The following POLR3B variants were observed in gnomAD, a reference collection of about 807,000 sequenced individuals.
POLR3B encodes RNA polymerase III subunit B.
Under a neutral mutation model 147.4 loss-of-function variants are expected in POLR3B, and 96 were observed. The observed-to-expected ratio is 0.65, with a 90% CI of 0.55 to 0.77. The LOEUF is 0.77. POLR3B is among the 30% of genes least tolerant of loss of function. POLR3B has a pLI of 0.00. For synonymous variants in POLR3B, 461 were observed against 485.9 expected (o/e 0.95, Z 0.67); for missense variants, 1,036 against 1,413.5 (o/e 0.73, Z 4.28).
chr12:106,509,472 GCCTGCAAGCTGC>G lies in POLR3B; in HGVS notation c.3326_3337del (p.Ala1109_Leu1113delinsVal). The G allele has an allele frequency of 6.2e-7, 1 of 1,613,280 alleles. No homozygotes were observed. Among genetic ancestry groups the G allele is most frequent in the Non-Finnish European group, 8.5e-7 (1 of 1,179,256 alleles). On this transcript the variant is annotated inframe_deletion, in exon 28 of 28. Coordinates refer to ENST00000228347, the MANE Select transcript of POLR3B (RefSeq NM_018082.6). ...CGTGTCTTCCCTCCGTATTCCGTAT[GCCTGCAAGCTGC>G]TCTTCCAGGAACTACAGTCTATGAA...
chr12:106,428,911 C>A (rs531320079), intron 13 of POLR3B, among the ~76,000 whole-genome samples: 2 of 152,300 alleles, frequency 1.3e-5, no homozygotes, highest in South Asian at 4.1e-4. Context: ...CCCAAAGTTA[C>A]ATATTTTAAT....
At chr12:106,360,547 T>C (rs2036456092) in intron 1 of POLR3B, among the ~76,000 whole-genome samples, 1 of 152,242 alleles carries the variant, frequency 6.6e-6, no homozygotes, top group Admixed American at 6.5e-5. Flanking sequence ...AATTGAGATA[T>C]TAAAATATTT....
chr12:106,509,366 A>G (rs1032204609), intron 27 of POLR3B, 54 bp from the exon 28 acceptor site: 7 of 1,599,046 alleles, frequency 4.4e-6, no homozygotes, highest in Non-Finnish European at 6.0e-6. Context: ...TCCTACGTGG[A>G]GGCCTTTGTT....
intron 23 of POLR3B, among the ~76,000 whole-genome samples, chr12:106,468,570 G>T (rs982828563): frequency 6.6e-6 from 1 of 152,128 alleles, no homozygotes; most frequent in African/African-American, 2.4e-5. Context: ...GCTTTCTCTT[G>T]TGGGCATTTA....
chr12:106,426,856 C>G (rs1335088811), intron 12 of POLR3B, among the ~76,000 whole-genome samples: 1 of 67,824 alleles, frequency 1.5e-5, no homozygotes, highest in Non-Finnish European at 3.3e-5. Flanking sequence ...CCCCCCCCCC[C>G]GTCCTTTTTG....
intron 18 of POLR3B, among the ~76,000 whole-genome samples, chr12:106,443,242 C>T (rs908523151): frequency 3.9e-5 from 6 of 152,160 alleles, no homozygotes; most frequent in Admixed American, 3.3e-4. Context: ...CACATTTCAA[C>T]TTGGATGCCA....
intron 22 of POLR3B, among the ~76,000 whole-genome samples, chr12:106,460,988 T>G (rs1362541545): frequency 6.6e-6 from 1 of 152,110 alleles, no homozygotes; most frequent in Non-Finnish European, 1.5e-5. Flanking sequence ...TACCTTCCGC[T>G]TGCTCCCTAA....
In POLR3B at chr12:106,357,837, G is replaced by A. The variant is rs376558060; in HGVS notation, c.-43G>A. 8.2e-6 allele frequency: 13 copies of A among 1,590,120 alleles called. No individual in the cohort carries two copies. The South Asian group carries it at 1.0e-4, about 12-fold the overall frequency. ...GCAGTTTGCTTGGTGCAGGGAAGGC[G>A]GGCGCGGAGGTTCTATCTGTTTCTT... is the stretch of plus-strand genomic sequence containing the variant. On this transcript the variant is annotated 5_prime_UTR_variant, in exon 1 of 28. Transcript: ENST00000228347.
chr12:106,500,237 C>T (rs2038576929), intron 25 of POLR3B: 4 of 450,788 alleles, frequency 8.9e-6, no homozygotes, highest in Non-Finnish European at 1.8e-5. Context: ...GACATCAGTT[C>T]TCTGGTTGTT....
At chr12:106,427,391 A>G (rs374843671) in intron 13 of POLR3B, 33 bp downstream of exon 13, 9 of 1,584,474 alleles carry the variant, frequency 5.7e-6, no homozygotes, top group Middle Eastern at 1.7e-4. Context: ...AGGATTTTGT[A>G]ATTTATTTGT....
At chr12:106,477,891 CTTTTTTTTTTT>C (rs34915594) in intron 23 of POLR3B, among the ~76,000 whole-genome samples, 2 of 70,478 alleles carry the variant, frequency 2.8e-5, no homozygotes, top group Non-Finnish European at 5.0e-5. Context: ...GGCTCCTCCC[CTTTTTTTTTTT>C]TTTTTTTTTT....
In POLR3B at chr12:106,463,639, CA is replaced by C. The variant is rs749304062; in HGVS notation, c.2713+21del. ...CAAAAAGGTAAACTGTATCATTTCT[CA>C]ACTTGATTATAAAACAATATATGAA... On this transcript the variant is annotated intron_variant, in intron 23 of 27. Transcript: ENST00000228347. The C allele has an allele frequency of 6.2e-7, 1 of 1,601,820 alleles. No homozygotes were observed. Among genetic ancestry groups the C allele is most frequent in the Admixed American group, 1.7e-5 (1 of 59,948 alleles).
chr12:106,433,385 C>T (rs1295368632), intron 15 of POLR3B, among the ~76,000 whole-genome samples: 2 of 152,304 alleles, frequency 1.3e-5, no homozygotes, highest in African/African-American at 4.8e-5. Flanking sequence ...ATGATCAGCT[C>T]GTTTAACCTT....
chr12:106,499,527 ATAGG>A (rs1467327923), intron 25 of POLR3B, among the ~76,000 whole-genome samples: 1 of 152,206 alleles, frequency 6.6e-6, no homozygotes, highest in Non-Finnish European at 1.5e-5. Context: ...TTGAACATAG[ATAGG>A]TAGGAGGAAA....
intron 7 of POLR3B, among the ~76,000 whole-genome samples, chr12:106,377,929 A>G (rs1016669081): frequency 1.4e-4 from 22 of 152,114 alleles, no homozygotes; most frequent in African/African-American, 5.1e-4. Flanking sequence ...TGTTACAAAA[A>G]ATTTAAAAAT....
chr12:106,393,387 G>A (rs562855598), intron 10 of POLR3B, among the ~76,000 whole-genome samples: 6 of 152,010 alleles, frequency 3.9e-5, no homozygotes, highest in Middle Eastern at 3.4e-3. Flanking sequence ...GATATATGGC[G>A]AAGAGGTGTT....
intron 12 of POLR3B, among the ~76,000 whole-genome samples, chr12:106,425,501 C>T (rs1029321833): frequency 1.3e-5 from 2 of 152,162 alleles, no homozygotes; most frequent in Non-Finnish European, 2.9e-5. Context: ...CCTCCTGGGA[C>T]TTTGCCAGGC....
chr12:106,395,421 G>A (rs998176599), intron 10 of POLR3B, among the ~76,000 whole-genome samples: 2 of 152,010 alleles, frequency 1.3e-5, no homozygotes, highest in Non-Finnish European at 2.9e-5. Flanking sequence ...TGAGGGAGGA[G>A]GGGGTGCCAC....
intron 19 of POLR3B, among the ~76,000 whole-genome samples, chr12:106,453,488 T>C (rs2037824664): frequency 6.6e-6 from 1 of 152,042 alleles, no homozygotes; most frequent in South Asian, 2.1e-4. Flanking sequence ...TATGTGTCAC[T>C]ATGGAAGCGT....
Sources: allele counts gnomAD v4.1 joint callset (sites outside exome capture counted in the v4.1 genomes callset), GRCh38; gene constraint gnomAD v4.1.1; transcripts MANE v1.5; gene names NCBI Gene and HGNC (gene_info 2026-07-23, HGNC 2026-07-21).